The following NTRK2 variants were observed in gnomAD, a reference collection of about 807,000 sequenced individuals.
NTRK2 encodes the protein neurotrophic receptor tyrosine kinase 2, also known as BDNF/NT-3 growth factors receptor.
In NTRK2, 13 loss-of-function variants were observed where a neutral mutation model predicts 94.5. The ratio of observed to expected loss-of-function variants is 0.14; its 90% CI spans 0.09 to 0.22. The LOEUF is 0.22. Among genes scored for constraint, NTRK2 ranks in the 10% least tolerant of loss-of-function variants. The pLI, the probability that NTRK2 is intolerant of heterozygous loss-of-function variation, is 1.00. For synonymous variants in NTRK2, 372 were observed against 407.4 expected (o/e 0.91, Z 1.05); for missense variants, 639 against 1,071.2 (o/e 0.60, Z 5.63).
At chr9:84,687,273 T>A (rs2059775392) in intron 2 of NTRK2, among the ~76,000 whole-genome samples, 1 of 152,206 alleles carries the variant, frequency 6.6e-6, no homozygotes, top group Non-Finnish European at 1.5e-5. Flanking sequence ...AAAAGTCTTA[T>A]TTTTGGAATT....
At chr9:84,685,435 T>C (rs369766603) in intron 2 of NTRK2, among the ~76,000 whole-genome samples, 1 of 151,994 alleles carries the variant, frequency 6.6e-6, no homozygotes, top group Non-Finnish European at 1.5e-5. Context: ...TTCAGGATGA[T>C]TCTAGCGTGA....
At chr9:84,995,318 G>A (rs1588141475) in intron 17 of NTRK2, among the ~76,000 whole-genome samples, 1 of 152,082 alleles carries the variant, frequency 6.6e-6, no homozygotes, top group South Asian at 2.1e-4. Context: ...CAGTTACAGT[G>A]TTGGTAGAAT....
intron 2 of NTRK2, among the ~76,000 whole-genome samples, chr9:84,682,580 G>A (rs2059454244): frequency 6.6e-6 from 1 of 152,024 alleles, no homozygotes; most frequent in African/African-American, 2.4e-5. Context: ...CTCCAATCTT[G>A]TTGCCCAAAT....
chr9:84,722,160 CTTTTTTTTTT>C (rs36100177), intron 6 of NTRK2, among the ~76,000 whole-genome samples: 1,488 of 67,136 alleles, frequency 0.022, 18 homozygotes, highest in Non-Finnish European at 0.032. Flanking sequence ...CTATTAGGGG[CTTTTTTTTTT>C]TTTTTTTTTT....
At chr9:84,845,929 A>T (rs1253659375) in intron 12 of NTRK2, among the ~76,000 whole-genome samples, 1 of 152,108 alleles carries the variant, frequency 6.6e-6, no homozygotes, top group Non-Finnish European at 1.5e-5. Context: ...AAAATTTGAA[A>T]AAAAAAAAAG....
intron 12 of NTRK2, among the ~76,000 whole-genome samples, chr9:84,767,500 T>C (rs7857558): frequency 0.029 from 4,348 of 152,334 alleles, 221 homozygotes; most frequent in African/African-American, 0.099. Context: ...TTGCCGTCTT[T>C]GTCTGAATTA....
At chr9:84,895,263 C>T (rs1189820848) in intron 14 of NTRK2, among the ~76,000 whole-genome samples, 1 of 152,206 alleles carries the variant, frequency 6.6e-6, no homozygotes, top group Non-Finnish European at 1.5e-5. Flanking sequence ...GGAGATGCTG[C>T]TTGGATGTGA....
chr9:84,985,484 T>G (rs78579625), intron 17 of NTRK2, among the ~76,000 whole-genome samples: 2,844 of 152,334 alleles, frequency 0.019, 53 homozygotes, highest in Middle Eastern at 0.048. Context: ...ATATTCACAG[T>G]ACAGCCTAAA....
chr9:84,995,335 G>GA (rs1373555381), intron 17 of NTRK2, among the ~76,000 whole-genome samples: 2 of 151,968 alleles, frequency 1.3e-5, no homozygotes, highest in Non-Finnish European at 2.9e-5. Context: ...GAATTTAAGG[G>GA]AAAAAACACT....
chr9:84,902,195 A>G (rs538922920), intron 14 of NTRK2, among the ~76,000 whole-genome samples: 1 of 142,956 alleles, frequency 7.0e-6, no homozygotes, highest in African/African-American at 2.7e-5. Flanking sequence ...GATTCTGTCT[A>G]AAAAAAAAAA....
intron 12 of NTRK2, among the ~76,000 whole-genome samples, chr9:84,771,035 C>T (rs751166570): frequency 4.2e-4 from 64 of 152,188 alleles, no homozygotes; most frequent in Admixed American, 9.2e-4. Flanking sequence ...AGATAAAATA[C>T]ATTAGAAAAT....
chr9:85,016,712 G>C (rs1832266914), intron 17 of NTRK2, among the ~76,000 whole-genome samples: 1 of 152,136 alleles, frequency 6.6e-6, no homozygotes, highest in African/African-American at 2.4e-5. Flanking sequence ...TTCTGAGAAA[G>C]GGTTGCAAAA....
rs757130152 is a variant in NTRK2 at position 84,751,998 on chromosome 9, G to T, written c.1309G>T (p.Val437Leu). The T allele has an allele frequency of 1.2e-6, 2 of 1,613,992 alleles. No individual in the cohort carries two copies. Among genetic ancestry groups the T allele is most frequent in the South Asian group, 2.2e-5 (2 of 91,076 alleles). ...TTCCTTTCTCTAGGTCTATGCTGTG[G>T]TGGTGATTGCGTCTGTGGTGGGATT... is the stretch of plus-strand genomic sequence containing the variant. ...GREHLSVYAV[V>L]VIASVVGFCL... The change falls in exon 12 of 19, where the codon GTG becomes TTG. Residue 437 changes from valine (V) to leucine (L), a missense_variant. Physicochemically the swap from Val to Leu is conservative, Grantham distance 32. Coordinates refer to ENST00000277120, the MANE Select transcript of NTRK2 (RefSeq NM_006180.6).
intron 12 of NTRK2, among the ~76,000 whole-genome samples, chr9:84,826,284 G>T (rs2131620493): frequency 6.6e-6 from 1 of 152,248 alleles, no homozygotes; most frequent in South Asian, 2.1e-4. Flanking sequence ...GCATCCTTTG[G>T]CTTGTAGCTG....
At chr9:84,980,534 C>T (rs143351153) in intron 17 of NTRK2, among the ~76,000 whole-genome samples, 2 of 152,324 alleles carry the variant, frequency 1.3e-5, no homozygotes, top group Non-Finnish European at 2.9e-5. Flanking sequence ...TTACATCCAG[C>T]CTTGAGAAGA....
intron 14 of NTRK2, among the ~76,000 whole-genome samples, chr9:84,906,103 G>A (rs932273673): frequency 9.2e-5 from 14 of 152,182 alleles, no homozygotes; most frequent in African/African-American, 3.1e-4. Context: ...GGCTGGAGCT[G>A]TGAATTGAGA....
At chr9:84,670,334 G>A in intron 1 of NTRK2, 43 bp from the exon 2 acceptor site, 1 of 314,182 alleles carries the variant, frequency 3.2e-6, no homozygotes, top group Non-Finnish European at 5.9e-6. Flanking sequence ...TAGTGGTGTT[G>A]GGGGTCCTAC....
intron 17 of NTRK2, among the ~76,000 whole-genome samples, chr9:85,009,033 G>A (rs1003160036): frequency 6.6e-6 from 1 of 152,182 alleles, no homozygotes; most frequent in African/African-American, 2.4e-5. Context: ...TTTACGTTCA[G>A]CTAGTTGGCA....
chr9:84,800,084 C>G (rs1031381400), intron 12 of NTRK2, among the ~76,000 whole-genome samples: 1 of 152,196 alleles, frequency 6.6e-6, no homozygotes, highest in African/African-American at 2.4e-5. Context: ...GAAACAGGCA[C>G]TGTCTCAGAA....
Sources: allele counts gnomAD v4.1 joint callset (sites outside exome capture counted in the v4.1 genomes callset), GRCh38; gene constraint gnomAD v4.1.1; transcripts MANE v1.5; gene names NCBI Gene and HGNC (gene_info 2026-07-23, HGNC 2026-07-21).